SLC18A2: variants seen among roughly 807,000 people sequenced by gnomAD.
SLC18A2 encodes solute carrier family 18 member A2.
In SLC18A2, 33 loss-of-function variants were observed where a neutral mutation model predicts 59.2. The observed-to-expected ratio is 0.56, with a 90% CI of 0.42 to 0.75. The LOEUF (loss-of-function observed/expected upper bound fraction) is 0.75. Ranked by LOEUF, SLC18A2 falls within the 30% of genes least tolerant of loss-of-function variation. SLC18A2 has a pLI of 0.00. For missense variants in SLC18A2, 569 were observed against 668.6 expected, an observed-to-expected ratio of 0.85 and a Z score of 1.64; for synonymous variants, 228 against 253.5, an observed-to-expected ratio of 0.90 and a Z score of 0.95.
At chr10:117,271,907 A>G (rs1237277842) in intron 15 of SLC18A2, among the ~76,000 whole-genome samples, 1 of 152,202 alleles carries the variant, frequency 6.6e-6, no homozygotes, top group Non-Finnish European at 1.5e-5. Flanking sequence ...TTTGACCAAA[A>G]AAAGTATATA....
chr10:117,241,514 C>G (rs1355369885), intron 1 of SLC18A2, 165 bp from the exon 2 acceptor site: 1 of 718,224 alleles, frequency 1.4e-6, no homozygotes, highest in South Asian at 2.4e-5. Context: ...AGCGCGGGCT[C>G]TCGTGGGGAC....
intron 10 of SLC18A2, among the ~76,000 whole-genome samples, chr10:117,262,570 G>A (rs536590541): frequency 2.0e-5 from 3 of 152,136 alleles, no homozygotes; most frequent in South Asian, 4.2e-4. Flanking sequence ...TGGATCTCTC[G>A]GTGTTTTCAG....
intron 13 of SLC18A2, 38 bp from the exon 14 acceptor site, chr10:117,270,033 T>C: frequency 6.2e-7 from 1 of 1,607,338 alleles, no homozygotes; most frequent in Non-Finnish European, 8.5e-7. Context: ...TGGGTTTACA[T>C]CCGTTTTCTA....
intron 15 of SLC18A2, among the ~76,000 whole-genome samples, chr10:117,274,954 C>A (rs573832429): frequency 6.6e-6 from 1 of 152,280 alleles, no homozygotes; most frequent in South Asian, 2.1e-4. Context: ...GTAACTAGGG[C>A]AGTGTTTCTC....
At chr10:117,249,217 A>G (rs2299615) in intron 3 of SLC18A2, among the ~76,000 whole-genome samples, 9,055 of 152,264 alleles carry the variant, frequency 0.059, 443 homozygotes, top group Admixed American at 0.16. Flanking sequence ...GGAGGGCTTG[A>G]TGAGTCTTTG....
In SLC18A2 at chr10:117,279,144, A is replaced by C. The variant is rs1284006197; in HGVS notation, c.*1878A>C. 6.6e-6 allele frequency: 1 copy of C among 152,242 alleles called. No homozygotes were observed. The highest frequency in any genetic ancestry group is 2.4e-5 in the African/African-American group (1 of 41,472). 9.4% of individuals were successfully genotyped at this position (152,242 alleles called of 1,614,324 possible). A position where few individuals can be genotyped will look rare whatever the true frequency, so the allele number is the denominator to read the frequency against. Reference sequence around the variant, plus strand: ...AAAACCTTCAGAACTGTTTTGGAGCAAAAGATAGCTTGTACTTGGGGAAAA... The same window carrying C: ...AAAACCTTCAGAACTGTTTTGGAGCCAAAGATAGCTTGTACTTGGGGAAAA... On this transcript the variant is annotated 3_prime_UTR_variant, in exon 16 of 16. Transcript: ENST00000644641.
chr10:117,265,303 T>A (rs1469899961), intron 10 of SLC18A2, among the ~76,000 whole-genome samples: 1 of 152,090 alleles, frequency 6.6e-6, no homozygotes, highest in African/African-American at 2.4e-5. Flanking sequence ...TCGTGCTTTA[T>A]CCTAAAGAGA....
At chr10:117,257,670 C>T (rs897593393) in intron 9 of SLC18A2, 127 bp from the exon 10 acceptor site, 14 of 488,492 alleles carry the variant, frequency 2.9e-5, no homozygotes, top group African/African-American at 2.1e-4. Flanking sequence ...CCTTGATATG[C>T]GATTTATCCT....
At chr10:117,260,759 C>T (rs900881005) in intron 10 of SLC18A2, among the ~76,000 whole-genome samples, 1 of 152,216 alleles carries the variant, frequency 6.6e-6, no homozygotes, top group Admixed American at 6.5e-5. Flanking sequence ...AATCCAGACC[C>T]CAAGATAAAG....
Position 117,255,338 on chromosome 10 carries a change from G to A in SLC18A2, c.762G>A (p.Val254=). The A allele has an allele frequency of 6.2e-7, 1 of 1,614,260 alleles. No individual in the cohort carries two copies. The highest frequency in any genetic ancestry group is 8.5e-7 in the Non-Finnish European group (1 of 1,180,046). Residue 254 remains valine (V), a synonymous_variant, in exon 7 of 16, where the codon GTG becomes GTA. Transcript: ENST00000644641. ...EFVGKTAPFL[V]LAALVLLDGA... is the part of the protein sequence containing the mutation. ...TGGGGAAGACGGCTCCGTTCCTGGT[G>A]CTGGCCGCCCTGGTACTCTTGGATG...
At chr10:117,259,373 G>A (rs936999198) in intron 10 of SLC18A2, among the ~76,000 whole-genome samples, 8 of 152,170 alleles carry the variant, frequency 5.3e-5, no homozygotes, top group African/African-American at 1.9e-4. Flanking sequence ...GCTCGTTTGT[G>A]GATGTCTGTC....
At chr10:117,241,566 G>A (rs1399906368) in intron 1 of SLC18A2, 113 bp from the exon 2 acceptor site, 7 of 1,179,248 alleles carry the variant, frequency 5.9e-6, no homozygotes, top group Non-Finnish European at 7.8e-6. Flanking sequence ...GCCCGGGGGT[G>A]TCCCCGGATG....
At chr10:117,265,901 CCAA>C (rs1589983729) in intron 10 of SLC18A2, among the ~76,000 whole-genome samples, 1 of 152,000 alleles carries the variant, frequency 6.6e-6, no homozygotes, top group Non-Finnish European at 1.5e-5. Flanking sequence ...CCCAGCCTGG[CCAA>C]CATGTTGAAA....
chr10:117,241,906 C>T, intron 2 of SLC18A2, 92 bp downstream of exon 2: 1 of 1,258,190 alleles, frequency 7.9e-7, no homozygotes, highest in Non-Finnish European at 1.1e-6. Flanking sequence ...CCCGGAGCTC[C>T]GCCAAGGCCC....
chr10:117,276,356 A>G (rs1170289821), intron 15 of SLC18A2, among the ~76,000 whole-genome samples: 2 of 152,070 alleles, frequency 1.3e-5, no homozygotes, highest in Non-Finnish European at 2.9e-5. Context: ...TCGTGTCTAT[A>G]GTCACAGCAC....
At chr10:117,268,999 CACACAT>C (rs1221897363) in intron 13 of SLC18A2, among the ~76,000 whole-genome samples, 11 of 151,146 alleles carry the variant, frequency 7.3e-5, no homozygotes, top group African/African-American at 2.4e-4. Flanking sequence ...TACACACAAA[CACACAT>C]ACACACACTG....
chr10:117,265,577 T>C (rs1460164041), intron 10 of SLC18A2, among the ~76,000 whole-genome samples: 1 of 152,212 alleles, frequency 6.6e-6, no homozygotes, highest in Non-Finnish European at 1.5e-5. Context: ...GAGATTGTCC[T>C]GTGGTTCTGA....
At chr10:117,263,192 C>A (rs554767417) in intron 10 of SLC18A2, among the ~76,000 whole-genome samples, 14 of 152,316 alleles carry the variant, frequency 9.2e-5, no homozygotes, top group African/African-American at 3.4e-4. Flanking sequence ...GGAAATACCC[C>A]ACCTTCCCTA....
rs1565008763 is a variant in SLC18A2, at chr10:117,269,155, GCACACATACACACATACATATA to G, written c.1187-901_1187-880del. Among the ~76,000 whole-genome samples, 9 of 55,244 alleles carry G rather than the reference GCACACATACACACATACATATA, an allele frequency of 1.6e-4. No homozygotes were observed. In the South Asian group the frequency reaches 4.4e-3, roughly 27 times the overall value. 36.2% of individuals were successfully genotyped at this position (55,244 alleles called of 152,430 possible). ...TACAAACACCCACCCACATACATAT[GCACACATACACACATACATATA>G]CACACATACACACACACCTACACAC... On this transcript the variant is annotated intron_variant, in intron 13 of 15. Transcript: ENST00000644641. The surrounding 1 kb of genome is among the most constrained non-coding windows in gnomAD (Gnocchi z 5.1).
Sources: allele counts gnomAD v4.1 joint callset (sites outside exome capture counted in the v4.1 genomes callset), GRCh38; gene constraint gnomAD v4.1.1; non-coding constraint Gnocchi (gnomAD v3.1); transcripts MANE v1.5; gene names NCBI Gene and HGNC (gene_info 2026-07-23, HGNC 2026-07-21).